The following ADAMTS20 variants were observed in gnomAD, a reference collection of about 807,000 sequenced individuals.
ADAMTS20 encodes the protein ADAM metallopeptidase with thrombospondin type 1 motif 20, also known as A disintegrin and metalloproteinase with thrombospondin motifs 20.
In ADAMTS20, 225 loss-of-function variants were observed where a neutral mutation model predicts 260.1. The ratio of observed to expected loss-of-function variants is 0.87; its 90% confidence interval spans 0.78 to 0.97. The LOEUF (loss-of-function observed/expected upper bound fraction) is 0.97, where lower values mean the gene tolerates loss of function less well. Among genes scored for constraint, ADAMTS20 ranks in the 50% least tolerant of loss-of-function variants. The pLI, the probability that ADAMTS20 is intolerant of heterozygous loss-of-function variation, is 0.00. For missense variants in ADAMTS20, 2,400 were observed against 2,337.7 expected (o/e 1.03, Z -0.55); for synonymous variants, 802 against 769.5 (o/e 1.04, Z -0.70).
intron 4 of ADAMTS20, among the ~76,000 whole-genome samples, chr12:43,498,883 C>T (rs1188673072): frequency 1.3e-5 from 2 of 152,096 alleles, no homozygotes. Context: ...CTCTTAAGTT[C>T]CCTTTCACCT....
intron 28 of ADAMTS20, among the ~76,000 whole-genome samples, chr12:43,401,607 G>A (rs1940810735): frequency 6.6e-6 from 1 of 151,628 alleles, no homozygotes; most frequent in South Asian, 2.1e-4. Flanking sequence ...TCTCTTCTTT[G>A]TTACTTTAAT....
intron 28 of ADAMTS20, among the ~76,000 whole-genome samples, chr12:43,409,107 T>C (rs1176079823): frequency 1.3e-5 from 2 of 152,064 alleles, no homozygotes; most frequent in African/African-American, 4.8e-5. Context: ...ATAAAAATAC[T>C]GTAGTTATGA....
chr12:43,480,587 AT>A (rs1379680261), intron 7 of ADAMTS20, among the ~76,000 whole-genome samples: 1 of 152,216 alleles, frequency 6.6e-6, no homozygotes, highest in African/African-American at 2.4e-5. Flanking sequence ...GATAAAGAAA[AT>A]GTGGTATATA....
intron 36 of ADAMTS20, among the ~76,000 whole-genome samples, chr12:43,374,119 AGAGCT>A (rs1446757364): frequency 6.6e-6 from 1 of 152,214 alleles, no homozygotes; most frequent in Non-Finnish European, 1.5e-5. Flanking sequence ...CCAAAGTCAC[AGAGCT>A]GATAAATAAA....
At chr12:43,421,747 G>A (rs1941242277) in intron 28 of ADAMTS20, among the ~76,000 whole-genome samples, 1 of 151,322 alleles carries the variant, frequency 6.6e-6, no homozygotes, top group Non-Finnish European at 1.5e-5. Context: ...AAAATTGACT[G>A]CTAACAAATA....
intron 28 of ADAMTS20, among the ~76,000 whole-genome samples, chr12:43,399,462 T>A (rs374825920): frequency 6.6e-6 from 1 of 152,182 alleles, no homozygotes; most frequent in Non-Finnish European, 1.5e-5. Flanking sequence ...TAATTTATTC[T>A]ACAAAAATGT....
intron 28 of ADAMTS20, among the ~76,000 whole-genome samples, chr12:43,409,465 A>G (rs1368928709): frequency 4.0e-5 from 6 of 149,530 alleles, no homozygotes; most frequent in African/African-American, 7.3e-5. Context: ...AGCCGGGCGT[A>G]GTGGCGGGCG....
intron 28 of ADAMTS20, among the ~76,000 whole-genome samples, chr12:43,416,431 G>C (rs989533039): frequency 2.6e-5 from 4 of 151,520 alleles, no homozygotes; most frequent in Non-Finnish European, 4.4e-5. Context: ...TCTTGACATG[G>C]CCTTAATTCA....
chr12:43,491,006 C>T (rs1942591693), intron 6 of ADAMTS20, among the ~76,000 whole-genome samples: 1 of 151,954 alleles, frequency 6.6e-6, no homozygotes, highest in South Asian at 2.1e-4. Flanking sequence ...CTATATATAA[C>T]ATAATACTAT....
chr12:43,531,557 C>T (rs77280584), intron 3 of ADAMTS20, among the ~76,000 whole-genome samples: 264 of 152,020 alleles, frequency 1.7e-3, no homozygotes, highest in African/African-American at 5.9e-3. Context: ...ATCATATGAC[C>T]TTATTTATAT....
At chr12:43,407,028 T>C (rs1175877776) in intron 28 of ADAMTS20, among the ~76,000 whole-genome samples, 5 of 152,054 alleles carry the variant, frequency 3.3e-5, no homozygotes, top group Non-Finnish European at 7.4e-5. Flanking sequence ...TGAAAGATAA[T>C]ACTTACAGTT....
chr12:43,499,994 T>G (rs1942733590), intron 4 of ADAMTS20, among the ~76,000 whole-genome samples: 1 of 151,332 alleles, frequency 6.6e-6, no homozygotes, highest in Admixed American at 6.6e-5. Flanking sequence ...TCTAGTATTT[T>G]CCTTCAGTAT....
At chr12:43,394,281 C>T (rs1195198759) in intron 29 of ADAMTS20, among the ~76,000 whole-genome samples, 10 of 152,114 alleles carry the variant, frequency 6.6e-5, no homozygotes, top group Non-Finnish European at 1.2e-4. Flanking sequence ...CAACTGACAG[C>T]ATAGTTGCTA....
chr12:43,428,457 CTCA>C lies in ADAMTS20; in HGVS notation c.3726_3728del (p.Asp1242del). ...GGCGAACTTCAGGATCACAGTAATT[CTCA>C]TCAATTGGCTGATGGTAGTTCATGC... On this transcript the variant is annotated inframe_deletion, in exon 26 of 39. Transcript: ENST00000389420. 1 of 1,613,922 alleles carries C rather than the reference CTCA, an allele frequency of 6.2e-7. No homozygotes were observed. Among genetic ancestry groups the C allele is most frequent in the East Asian group, 2.2e-5 (1 of 44,890 alleles).
rs1033146829 is a variant in ADAMTS20 at position 43,454,249 on chromosome 12, G to A, written c.1615-197C>T. ...AAGATCTGTGGAATAGAAAAGGAGTGTAATATTTCTTCTGGCTTTAAGATT... is the reference window on the plus strand; with the variant it reads ...AAGATCTGTGGAATAGAAAAGGAGTATAATATTTCTTCTGGCTTTAAGATT... On this transcript the variant is annotated intron_variant, in intron 11 of 38. Coordinates refer to ENST00000389420, the MANE Select transcript of ADAMTS20 (RefSeq NM_025003.5). 6.6e-5 allele frequency among the ~76,000 whole-genome samples: 10 copies of A among 152,178 alleles called. No homozygotes were observed. The East Asian group carries it at 1.9e-3, about 29-fold the overall frequency.
rs372881516 is a variant in ADAMTS20 at position 43,513,936 on chromosome 12, G to A, written c.614-11531C>T. On this transcript the variant is annotated intron_variant, in intron 3 of 38. Transcript: ENST00000389420. ...CGGGTGAGGGGAGGGGGGAGGGATA[G>A]CATTAGGAGATATACCTAATGTTAA... 2.7e-4 allele frequency among the ~76,000 whole-genome samples: 41 copies of A among 150,944 alleles called. No individual in the cohort carries two copies. In the South Asian group the frequency reaches 8.5e-3, roughly 31 times the overall value.
At chr12:43,414,714 A>G (rs954255064) in intron 28 of ADAMTS20, among the ~76,000 whole-genome samples, 1 of 152,104 alleles carries the variant, frequency 6.6e-6, no homozygotes, top group African/African-American at 2.4e-5. Context: ...GGGCAACTGG[A>G]ATTCTCATAC....
chr12:43,508,965 C>T (rs183746046), intron 3 of ADAMTS20, among the ~76,000 whole-genome samples: 97 of 152,220 alleles, frequency 6.4e-4, no homozygotes, highest in Non-Finnish European at 1.3e-3. Flanking sequence ...CATGTGTTCT[C>T]ATTGTTCAAC....
intron 37 of ADAMTS20, among the ~76,000 whole-genome samples, chr12:43,357,689 T>C (rs1565662812): frequency 6.6e-6 from 1 of 152,326 alleles, no homozygotes; most frequent in East Asian, 1.9e-4. Context: ...CACTTGGTTA[T>C]GAAATTTAGA....
Sources: allele counts gnomAD v4.1 joint callset (sites outside exome capture counted in the v4.1 genomes callset), GRCh38; gene constraint gnomAD v4.1.1; transcripts MANE v1.5; gene names NCBI Gene and HGNC (gene_info 2026-07-23, HGNC 2026-07-21).